SRP72: variants seen among roughly 807,000 people sequenced by gnomAD.
The protein encoded by SRP72 is signal recognition particle 72, also known as signal recognition particle subunit SRP72.
Under a neutral mutation model 96.3 loss-of-function variants are expected in SRP72, and 49 were observed. That is an observed-to-expected ratio of 0.51 (90% CI 0.40 to 0.65). The LOEUF is 0.65. Ranked by LOEUF, SRP72 falls within the 30% of genes least tolerant of loss-of-function variation. The pLI, the probability that SRP72 is intolerant of heterozygous loss-of-function variation, is 0.00. For synonymous variants in SRP72, 267 were observed against 275.2 expected (o/e 0.97, Z 0.30); for missense variants, 736 against 793.3 (o/e 0.93, Z 0.87).
rs41280351 is a variant in SRP72 at position 56,500,561 on chromosome 4, A to G, written c.1704A>G (p.Pro568=). The G allele has an allele frequency of 5.5e-4, 889 of 1,613,694 alleles. No individual in the cohort carries two copies. Among genetic ancestry groups the G allele is most frequent in the Non-Finnish European group, 6.7e-4 (787 of 1,179,756 alleles). Residue 568 remains proline (P), a synonymous_variant, in exon 18 of 19, where the codon CCA becomes CCG. Transcript: ENST00000642900. ...KKGKLPKNYD[P]KVTPDPERWL... is the part of the protein sequence containing the mutation. Reference sequence around the variant, plus strand: ...GAAAATTGCCTAAGAATTATGACCCAAAAGTTACCCCAGATCCAGAAAGAT... The same window carrying G: ...GAAAATTGCCTAAGAATTATGACCCGAAAGTTACCCCAGATCCAGAAAGAT...
At chr4:56,490,498 G>A (rs959092358) in intron 14 of SRP72, 62 bp downstream of exon 14, 43 of 1,593,882 alleles carry the variant, frequency 2.7e-5, no homozygotes, top group Non-Finnish European at 3.3e-5. Context: ...TGATATGAGG[G>A]AGTTACTTGT....
intron 16 of SRP72, among the ~76,000 whole-genome samples, chr4:56,494,835 A>G (rs1298525799): frequency 1.3e-5 from 2 of 152,204 alleles, no homozygotes; most frequent in Non-Finnish European, 2.9e-5. Flanking sequence ...TTTAAAATAC[A>G]AAAGATAAAA....
In SRP72 at chr4:56,491,492, G is replaced by C. The variant is rs1286406298; in HGVS notation, c.1564G>C (p.Glu522Gln). 6.2e-7 allele frequency: 1 copy of C among 1,614,002 alleles called. No individual in the cohort carries two copies. Among genetic ancestry groups the C allele is most frequent in the Non-Finnish European group, 8.5e-7 (1 of 1,179,944 alleles). The change falls in exon 16 of 19, where the codon GAA becomes CAA. Residue 522 changes from glutamate (E) to glutamine (Q), a missense_variant. Glu to Gln is a conservative substitution (Grantham distance 29). Transcript: ENST00000642900. The stretch of plus-strand genomic sequence containing the variant: ...TCTAAAAGTAGATGTTGAGGCTCTT[G>C]AAAATTCTGCTGGTGCTACATACAT... ...MSLKVDVEALENSAGATYIRK... is the reference protein window; with the variant it reads ...MSLKVDVEALQNSAGATYIRK...
chr4:56,502,374 A>G lies in SRP72; in HGVS notation c.*513A>G, dbSNP rs547096984. 1 of 151,834 alleles carries G rather than the reference A, an allele frequency of 6.6e-6. No individual in the cohort carries two copies. The highest frequency in any genetic ancestry group is 2.4e-5 in the African/African-American group (1 of 41,296). 9.4% of individuals were successfully genotyped at this position (151,834 alleles called of 1,614,324 possible). ...TACACTGATGTTCTTCACTAAATGG[A>G]TGGCCACAAGAAAAATAAAGTAAAT... On this transcript the variant is annotated 3_prime_UTR_variant, in exon 19 of 19. Coordinates refer to ENST00000642900, the MANE Select transcript of SRP72 (RefSeq NM_006947.4).
intron 8 of SRP72, among the ~76,000 whole-genome samples, chr4:56,479,515 C>CT (rs902321955): frequency 6.7e-6 from 1 of 148,662 alleles, no homozygotes; most frequent in Non-Finnish European, 1.5e-5. Context: ...ATTTTTCTTT[C>CT]TTTCTTTTTT....
intron 16 of SRP72, among the ~76,000 whole-genome samples, chr4:56,494,171 A>G (rs1721000249): frequency 1.5e-5 from 2 of 133,208 alleles, no homozygotes; most frequent in African/African-American, 2.8e-5. Context: ...TTAGAATACT[A>G]TTGCACACTG....
In SRP72 at chr4:56,474,109, G is replaced by T; in HGVS notation, c.410G>T (p.Arg137Leu). The change falls in exon 4 of 19, where the codon CGA (arginine) becomes CTA (leucine). Residue 137 changes from arginine (R) to leucine (L), a missense_variant. Physicochemically the swap from Arg to Leu is moderately radical, Grantham distance 102. Coordinates refer to ENST00000642900, the MANE Select transcript of SRP72 (RefSeq NM_006947.4). ...TTAGCAGTGTATAGAGATCTCGTCC[G>T]AAACTCCCAAGATGATTATGATGAG... ...ECLAVYRDLV[R>L]NSQDDYDEER... 6.2e-7 allele frequency: 1 copy of T among 1,614,102 alleles called. No individual in the cohort carries two copies. Among genetic ancestry groups the T allele is most frequent in the Non-Finnish European group, 8.5e-7 (1 of 1,180,012 alleles).
intron 1 of SRP72, among the ~76,000 whole-genome samples, chr4:56,468,831 T>C (rs1235266424): frequency 6.6e-6 from 1 of 152,244 alleles, no homozygotes; most frequent in Non-Finnish European, 1.5e-5. Flanking sequence ...GCAGGAATTC[T>C]TTAATCAGCA....
At chr4:56,499,952 T>C (rs546770322) in intron 17 of SRP72, among the ~76,000 whole-genome samples, 1 of 152,256 alleles carries the variant, frequency 6.6e-6, no homozygotes, top group African/African-American at 2.4e-5. Flanking sequence ...TTAGCAAAGA[T>C]TGGAACCAAC....
intron 8 of SRP72, 47 bp downstream of exon 8, chr4:56,478,696 T>C (rs764126961): frequency 6.4e-7 from 1 of 1,565,488 alleles, no homozygotes; most frequent in Non-Finnish European, 8.7e-7. Flanking sequence ...CCCTGAAAGC[T>C]CATCACCCTA....
At chr4:56,482,557 C>A (rs925897969) in intron 8 of SRP72, among the ~76,000 whole-genome samples, 3 of 152,116 alleles carry the variant, frequency 2.0e-5, no homozygotes, top group Non-Finnish European at 4.4e-5. Context: ...ACCAAAAAAT[C>A]TGTGACTCCT....
rs762658994 is a variant in SRP72 at position 56,467,665 on chromosome 4, A to G, written c.30A>G (p.Ser10=). The G allele has an allele frequency of 3.1e-5, 48 of 1,557,362 alleles. No homozygotes were observed. The highest frequency in any genetic ancestry group is 3.5e-5 in the South Asian group (3 of 85,192). Residue 10 remains serine, a synonymous_variant, in exon 1 of 19, where the codon TCA becomes TCG. Coordinates refer to ENST00000642900, the MANE Select transcript of SRP72 (RefSeq NM_006947.4). ...CGAGCGGCGGCAGCGGGGGGGTGTCAGTACCTGCGCTGTGGAGTGAAGTGA... is the reference window on the plus strand; with the variant it reads ...CGAGCGGCGGCAGCGGGGGGGTGTCGGTACCTGCGCTGTGGAGTGAAGTGA... MASGGSGGV[S]VPALWSEVNR...
intron 11 of SRP72, among the ~76,000 whole-genome samples, chr4:56,487,071 C>T (rs573957525): frequency 9.9e-5 from 15 of 152,250 alleles, no homozygotes; most frequent in Non-Finnish European, 2.1e-4. Context: ...CCATTGGCTA[C>T]AATATTGGAC....
chr4:56,478,120 GT>G (rs1720319422), intron 6 of SRP72, among the ~76,000 whole-genome samples: 1 of 145,900 alleles, frequency 6.9e-6, no homozygotes, highest in Non-Finnish European at 1.5e-5. Flanking sequence ...TCCTAAACTT[GT>G]TACCATGTTC....
At chr4:56,474,848 A>G (rs1023371798) in intron 5 of SRP72, among the ~76,000 whole-genome samples, 3 of 152,036 alleles carry the variant, frequency 2.0e-5, no homozygotes, top group South Asian at 2.1e-4. Context: ...GAAATGCCCA[A>G]CTAATTTTTG....
chr4:56,494,894 C>T (rs1270014115), intron 16 of SRP72, among the ~76,000 whole-genome samples: 1 of 152,154 alleles, frequency 6.6e-6, no homozygotes, highest in Admixed American at 6.5e-5. Context: ...ACCCACCTCC[C>T]TCCCAGGGCC....
intron 3 of SRP72, among the ~76,000 whole-genome samples, chr4:56,472,863 A>G (rs894746686): frequency 6.6e-6 from 1 of 152,210 alleles, no homozygotes; most frequent in African/African-American, 2.4e-5. Flanking sequence ...CCTGTGTCAT[A>G]CATAATGGAC....
intron 10 of SRP72, among the ~76,000 whole-genome samples, chr4:56,486,040 C>T (rs1458588762): frequency 6.6e-6 from 1 of 152,030 alleles, no homozygotes; most frequent in African/African-American, 2.4e-5. Flanking sequence ...GTTTTGGAAT[C>T]GGGGGTGGTT....
At chr4:56,487,094 G>A (rs1352308372) in intron 11 of SRP72, among the ~76,000 whole-genome samples, 1 of 152,142 alleles carries the variant, frequency 6.6e-6, no homozygotes, top group Non-Finnish European at 1.5e-5. Context: ...CACAGATATA[G>A]GACATTTATA....
Sources: gnomAD v4.1 joint callset for allele counts (sites outside exome capture counted in the v4.1 genomes callset) on GRCh38, gnomAD v4.1.1 for gene constraint, MANE v1.5 for transcripts, NCBI Gene and HGNC (gene_info 2026-07-23, HGNC 2026-07-21) for gene names.